The following NAV2 variants were observed in gnomAD, a reference collection of about 807,000 sequenced individuals.
NAV2 encodes neuron navigator 2, also known as helicase, APC down-regulated 1.
A neutral mutation model predicts 223.2 loss-of-function variants in NAV2; 54 were observed. The ratio of observed to expected loss-of-function variants is 0.24; its 90% CI spans 0.19 to 0.30. NAV2 has a LOEUF of 0.30. Among genes scored for constraint, NAV2 ranks in the 10% least tolerant of loss-of-function variants. The probability of loss-of-function intolerance (pLI) is 1.00; values close to 1 mark genes in which losing one functional copy is unlikely to be tolerated. For synonymous variants in NAV2, 1,279 were observed against 1,239.3 expected (o/e 1.03, Z -0.67); for missense variants, 2,806 against 3,147.5 (o/e 0.89, Z 2.60).
chr11:20,092,577 C>A lies in NAV2; in HGVS notation c.5815+209C>A, dbSNP rs550130217. Among the ~76,000 whole-genome samples, 13 of 152,264 alleles carry A rather than the reference C, an allele frequency of 8.5e-5. No individual in the cohort carries two copies. In the East Asian group the frequency reaches 2.5e-3, roughly 29 times the overall value. ...GCTCTCATGCTTTGCTCCAGCACCCCAAATTCTCCAAGCCCTGAGCTTGGA... is the reference window on the plus strand; with the variant it reads ...GCTCTCATGCTTTGCTCCAGCACCCAAAATTCTCCAAGCCCTGAGCTTGGA... On this transcript the variant is annotated intron_variant, in intron 28 of 37. Transcript: ENST00000349880.
intron 1 of NAV2, among the ~76,000 whole-genome samples, chr11:19,540,442 G>C (rs2044308979): frequency 6.6e-6 from 1 of 152,174 alleles, no homozygotes; most frequent in Non-Finnish European, 1.5e-5. Flanking sequence ...GTAACTACAA[G>C]TACTCATGGT....
intron 12 of NAV2, among the ~76,000 whole-genome samples, chr11:20,043,274 C>T (rs1779493917): frequency 6.6e-6 from 1 of 152,136 alleles, no homozygotes. Flanking sequence ...AGACTGGATG[C>T]TGGTTAGAGA....
chr11:19,969,685 G>A (rs573179741), intron 10 of NAV2, among the ~76,000 whole-genome samples: 21 of 152,232 alleles, frequency 1.4e-4, no homozygotes, highest in Non-Finnish European at 2.4e-4. Flanking sequence ...GCTCACACCT[G>A]TAATCCCAGC....
intron 1 of NAV2, among the ~76,000 whole-genome samples, chr11:19,363,020 T>C (rs1854047156): frequency 6.6e-6 from 1 of 152,216 alleles, no homozygotes; most frequent in South Asian, 2.1e-4. Flanking sequence ...CTGGGGTACA[T>C]GTGCAGAATG....
intron 1 of NAV2, among the ~76,000 whole-genome samples, chr11:19,643,445 G>A (rs2047723000): frequency 6.6e-6 from 1 of 151,802 alleles, no homozygotes; most frequent in Non-Finnish European, 1.5e-5. Flanking sequence ...ATAGTTTGCT[G>A]AGAATGATAG....
At chr11:19,870,310 G>T (rs1291850858) in intron 4 of NAV2, among the ~76,000 whole-genome samples, 1 of 152,190 alleles carries the variant, frequency 6.6e-6, no homozygotes, top group Non-Finnish European at 1.5e-5. Flanking sequence ...AGGAGCACAT[G>T]ATTTCCTCCT....
chr11:20,020,912 C>T (rs1027717150), intron 11 of NAV2, among the ~76,000 whole-genome samples: 3 of 152,174 alleles, frequency 2.0e-5, no homozygotes, highest in African/African-American at 7.2e-5. Flanking sequence ...TCCAGCCACT[C>T]ATTCTTGGAA....
At chr11:19,878,582 C>T (rs2062999450) in intron 4 of NAV2, among the ~76,000 whole-genome samples, 2 of 152,180 alleles carry the variant, frequency 1.3e-5, no homozygotes, top group Non-Finnish European at 2.9e-5. Context: ...TCAGAATCTG[C>T]TAGCTCCCAA....
At chr11:19,887,071 G>T (rs575101131) in intron 5 of NAV2, among the ~76,000 whole-genome samples, 408 of 152,194 alleles carry the variant, frequency 2.7e-3, no homozygotes, top group African/African-American at 9.4e-3. Context: ...GTAAAGTTTG[G>T]TTGCCAAAAG....
chr11:19,937,589 A>G (rs2046023198), intron 7 of NAV2, among the ~76,000 whole-genome samples: 1 of 152,222 alleles, frequency 6.6e-6, no homozygotes, highest in Non-Finnish European at 1.5e-5. Context: ...ACAGATGAGG[A>G]TGCTGAGATT....
chr11:19,695,888 A>AATAAAATAAAATAAAATAATATAAT (rs1554998223), intron 1 of NAV2, among the ~76,000 whole-genome samples: 8 of 125,004 alleles, frequency 6.4e-5, no homozygotes, highest in East Asian at 4.2e-4. Flanking sequence ...TGGATGAAAT[A>AATAAAATAAAATAAAATAATATAAT]ATAAAATAAA....
chr11:19,693,735 G>C (rs1418023540), intron 1 of NAV2, among the ~76,000 whole-genome samples: 1 of 152,116 alleles, frequency 6.6e-6, no homozygotes, highest in Non-Finnish European at 1.5e-5. Flanking sequence ...CAGCCTAGTA[G>C]AGCCCACACA....
At chr11:20,034,537 C>A (rs7131414) in intron 11 of NAV2, among the ~76,000 whole-genome samples, 6 of 151,630 alleles carry the variant, frequency 4.0e-5, no homozygotes. Context: ...GTGCCACCAC[C>A]CCCGGCTAAT....
chr11:19,809,796 C>CA (rs1390919742), intron 1 of NAV2, among the ~76,000 whole-genome samples: 1 of 152,006 alleles, frequency 6.6e-6, no homozygotes, highest in Non-Finnish European at 1.5e-5. Flanking sequence ...CTATTGCCCC[C>CA]CAATTGGGAT....
chr11:20,114,512 T>G, intron 36 of NAV2, 80 bp from the exon 37 acceptor site: 3 of 1,365,892 alleles, frequency 2.2e-6, no homozygotes, highest in Non-Finnish European at 3.1e-6. Flanking sequence ...ATTTGGGGAG[T>G]TTTTCAGAAA....
chr11:19,533,267 G>T (rs1219390811), intron 1 of NAV2, among the ~76,000 whole-genome samples: 1 of 152,024 alleles, frequency 6.6e-6, no homozygotes, highest in Non-Finnish European at 1.5e-5. Flanking sequence ...ACTGTCCTGG[G>T]TATTGTGGGC....
At chr11:19,782,676 T>A (rs528657443) in intron 1 of NAV2, among the ~76,000 whole-genome samples, 4 of 151,654 alleles carry the variant, frequency 2.6e-5, no homozygotes, top group African/African-American at 7.2e-5. Context: ...CTGGGCTGGG[T>A]GACCCAGGTG....
At chr11:19,448,729 T>C (rs751124797) in intron 1 of NAV2, among the ~76,000 whole-genome samples, 19 of 152,244 alleles carry the variant, frequency 1.2e-4, no homozygotes, top group Admixed American at 1.3e-4. Flanking sequence ...TTGAATGCAA[T>C]GATATATGTA....
intron 5 of NAV2, among the ~76,000 whole-genome samples, chr11:19,883,478 C>T (rs2063343367): frequency 6.6e-6 from 1 of 152,166 alleles, no homozygotes; most frequent in African/African-American, 2.4e-5. Context: ...TTTTTTTCCT[C>T]CATCTGTGTC....
Sources: gnomAD v4.1 joint callset for allele counts (sites outside exome capture counted in the v4.1 genomes callset) on GRCh38, gnomAD v4.1.1 for gene constraint, MANE v1.5 for transcripts, NCBI Gene and HGNC (gene_info 2026-07-23, HGNC 2026-07-21) for gene names.